Variants in ELMO1 observed in about 807,000 individuals in gnomAD.
ELMO1 encodes engulfment and cell motility 1.
ELMO1 carries 26 observed loss-of-function variants against 98.9 expected under a neutral mutation model. That is an observed-to-expected ratio of 0.26 (90% CI 0.19 to 0.36). ELMO1 has a LOEUF of 0.36. Ranked by LOEUF, ELMO1 falls within the 10% of genes least tolerant of loss-of-function variation. The pLI is 1.00. For missense variants in ELMO1, 627 were observed against 935.2 expected (o/e 0.67, Z 4.30); for synonymous variants, 346 against 346.0 (o/e 1.00, Z 0.00).
chr7:37,387,648 G>T (rs1315770885), intron 1 of ELMO1, among the ~76,000 whole-genome samples: 1 of 152,140 alleles, frequency 6.6e-6, no homozygotes, highest in Non-Finnish European at 1.5e-5. Flanking sequence ...GCCAAACTTT[G>T]AGGCAGTGTT....
In ELMO1 at chr7:36,855,644, G is replaced by A; in HGVS notation, c.2091C>T (p.Arg697=). ...TCTGGATGTTTTCCAGGTCCAGGAG[G>A]CGGAGCTTGATTTCCATGCTGAGCA... ...DTLLSMEIKL[R]LLDLENIQIP... The change falls in exon 22 of 22, where the codon CGC becomes CGT. Residue 697 remains arginine, a synonymous_variant. Transcript: ENST00000310758. The surrounding 1 kb of genome is among the most constrained non-coding windows in gnomAD (Gnocchi z 4.2). 2 of 1,614,156 alleles carry A rather than the reference G, an allele frequency of 1.2e-6. No homozygotes were observed. Among genetic ancestry groups the A allele is most frequent in the Non-Finnish European group, 1.7e-6 (2 of 1,180,002 alleles).
intron 20 of ELMO1, among the ~76,000 whole-genome samples, chr7:36,867,882 T>C (rs1160709613): frequency 1.3e-5 from 2 of 152,202 alleles, no homozygotes; most frequent in African/African-American, 4.8e-5. Flanking sequence ...TTTGTCTAAC[T>C]GCTATTCTTT....
intron 4 of ELMO1, among the ~76,000 whole-genome samples, chr7:37,287,099 A>C (rs1191341529): frequency 6.6e-6 from 1 of 152,048 alleles, no homozygotes; most frequent in Non-Finnish European, 1.5e-5. Flanking sequence ...AGGCTGAGAC[A>C]GAAGGATCGC....
chr7:37,230,925 C>T (rs1794136394), intron 8 of ELMO1, among the ~76,000 whole-genome samples: 1 of 152,168 alleles, frequency 6.6e-6, no homozygotes, highest in Admixed American at 6.5e-5. Context: ...CTTTATAACA[C>T]ATCGGGATGT....
intron 11 of ELMO1, among the ~76,000 whole-genome samples, chr7:37,215,842 C>T (rs984349625): frequency 1.3e-5 from 2 of 152,202 alleles, no homozygotes; most frequent in Non-Finnish European, 2.9e-5. Flanking sequence ...TTTTCAATGC[C>T]AGCCACCTCC....
chr7:37,121,541 T>C (rs1786039774), intron 14 of ELMO1, among the ~76,000 whole-genome samples: 1 of 151,872 alleles, frequency 6.6e-6, no homozygotes, highest in Non-Finnish European at 1.5e-5. Context: ...GAAGATCAAA[T>C]GAATGAAATG....
chr7:37,409,365 G>C (rs957310983), intron 1 of ELMO1, among the ~76,000 whole-genome samples: 7 of 152,146 alleles, frequency 4.6e-5, no homozygotes, highest in Admixed American at 2.0e-4. Context: ...CAAGTGTCCT[G>C]GCTGTGTACT....
At chr7:36,927,617 C>T (rs1265386752) in intron 16 of ELMO1, among the ~76,000 whole-genome samples, 2 of 152,176 alleles carry the variant, frequency 1.3e-5, no homozygotes, top group Admixed American at 6.5e-5. Flanking sequence ...TGAAAGCTTA[C>T]AGTACACAAG....
intron 17 of ELMO1, among the ~76,000 whole-genome samples, chr7:36,892,071 GAATA>G (rs1290463319): frequency 6.6e-6 from 1 of 152,188 alleles, no homozygotes; most frequent in African/African-American, 2.4e-5. Flanking sequence ...TTGACCCACT[GAATA>G]TATATTCCCC....
chr7:37,344,033 A>ATTTTTTT lies in ELMO1; in HGVS notation c.-73-1277_-73-1271dup, dbSNP rs10626425. 4.6e-4 allele frequency among the ~76,000 whole-genome samples: 62 copies of ATTTTTTT among 134,578 alleles called. 1 individual carries two copies. The highest frequency in any genetic ancestry group is 5.8e-4 in the Non-Finnish European group (37 of 64,236). 88.3% of individuals were successfully genotyped at this position (134,578 alleles called of 152,430 possible). On this transcript the variant is annotated intron_variant, in intron 1 of 21. Coordinates refer to ENST00000310758, the MANE Select transcript of ELMO1 (RefSeq NM_014800.11). ...CCACTTTCTTTATATAAAAGGCAGC[A>ATTTTTTT]TTTTTTTTTTTTTTTTGAGACAGAG...
intron 4 of ELMO1, among the ~76,000 whole-genome samples, chr7:37,282,336 T>C (rs1358196647): frequency 6.6e-6 from 1 of 152,340 alleles, no homozygotes; most frequent in East Asian, 1.9e-4. Flanking sequence ...TCTCCAGATA[T>C]GAGGACACCC....
intron 13 of ELMO1, among the ~76,000 whole-genome samples, chr7:37,135,700 C>A (rs1266791081): frequency 6.6e-6 from 1 of 152,186 alleles, no homozygotes; most frequent in African/African-American, 2.4e-5. Context: ...CAAGGGAGCA[C>A]CCTGTAAGAC....
At chr7:36,997,441 G>A (rs1348266151) in intron 16 of ELMO1, among the ~76,000 whole-genome samples, 1 of 152,112 alleles carries the variant, frequency 6.6e-6, no homozygotes, top group African/African-American at 2.4e-5. Flanking sequence ...TTAAAAGGCA[G>A]GTGGCCCTTC....
rs528692750 is a variant in ELMO1, at chr7:37,117,575, T to C, written c.1191+15555A>G. On this transcript the variant is annotated intron_variant, in intron 14 of 21. Coordinates refer to ENST00000310758, the MANE Select transcript of ELMO1 (RefSeq NM_014800.11). Reference sequence around the variant, plus strand: ...CAGAAATTCTTCCTTCCAGCTCAATTAGTAAATCTAATCACATATTCACAC... The same window carrying C: ...CAGAAATTCTTCCTTCCAGCTCAATCAGTAAATCTAATCACATATTCACAC... Among the ~76,000 whole-genome samples the C allele has an allele frequency of 5.1e-4, 77 of 152,320 alleles. No homozygotes were observed. In the South Asian group the frequency reaches 0.015, roughly 30 times the overall value.
chr7:37,204,086 A>C (rs1259782161), intron 13 of ELMO1: 1 of 456,284 alleles, frequency 2.2e-6, no homozygotes, highest in Non-Finnish European at 4.4e-6. Flanking sequence ...AATAGCAAGC[A>C]AAAGGGGTCC....
chr7:36,964,785 C>A (rs1187430402), intron 16 of ELMO1, among the ~76,000 whole-genome samples: 1 of 152,100 alleles, frequency 6.6e-6, no homozygotes, highest in Non-Finnish European at 1.5e-5. Flanking sequence ...ACAACGCATA[C>A]GTGAGTTACC....
chr7:36,993,724 T>C (rs1290771830), intron 16 of ELMO1, among the ~76,000 whole-genome samples: 1 of 152,196 alleles, frequency 6.6e-6, no homozygotes, highest in Non-Finnish European at 1.5e-5. Context: ...AATTTGATAT[T>C]AAAAATAAAA....
At position 37,044,010 on chromosome 7, in the gene ELMO1, C is replaced by T. The variant is rs113040599; in HGVS notation, c.1301-30575G>A. Reference sequence around the variant, plus strand: ...TTTTATACATGTCAGACAGACTCAACGAGGAGGAGGGTGAAGCATGAGATG... The same window carrying T: ...TTTTATACATGTCAGACAGACTCAATGAGGAGGAGGGTGAAGCATGAGATG... On this transcript the variant is annotated intron_variant, in intron 15 of 21. Coordinates refer to ENST00000310758, the MANE Select transcript of ELMO1 (RefSeq NM_014800.11). Among the ~76,000 whole-genome samples the T allele has an allele frequency of 7.7e-3, 1,171 of 152,136 alleles. 16 individuals carry two copies. Among genetic ancestry groups the T allele is most frequent in the African/African-American group, 0.027 (1,116 of 41,480 alleles).
intron 13 of ELMO1, among the ~76,000 whole-genome samples, chr7:37,181,716 C>T (rs1790870103): frequency 6.6e-6 from 1 of 152,058 alleles, no homozygotes; most frequent in African/African-American, 2.4e-5. Context: ...AGTATTTTGC[C>T]CAGGGTCACA....
Sources: gnomAD v4.1 joint callset for allele counts (sites outside exome capture counted in the v4.1 genomes callset) on GRCh38, gnomAD v4.1.1 for gene constraint, Gnocchi (gnomAD v3.1) non-coding constraint, MANE v1.5 for transcripts, NCBI Gene and HGNC (gene_info 2026-07-23, HGNC 2026-07-21) for gene names.